SAMD12: variants seen among roughly 807,000 people sequenced by gnomAD.
The protein encoded by SAMD12 is sterile alpha motif domain containing 12.
SAMD12 carries 9 observed loss-of-function variants against 15.0 expected under a neutral mutation model. The ratio of observed to expected loss-of-function variants is 0.60; its 90% CI spans 0.36 to 1.05. The LOEUF (loss-of-function observed/expected upper bound fraction) is 1.05. SAMD12 is among the 50% of genes least tolerant of loss of function. The pLI, the probability that SAMD12 is intolerant of heterozygous loss-of-function variation, is 0.01. For synonymous variants in SAMD12, 86 were observed against 90.1 expected, an observed-to-expected ratio of 0.96 and a Z score of 0.25; for missense variants, 230 against 234.2, an observed-to-expected ratio of 0.98 and a Z score of 0.12.
chr8:118,394,054 T>C (rs1820427472), intron 3 of SAMD12, among the ~76,000 whole-genome samples: 1 of 152,194 alleles, frequency 6.6e-6, no homozygotes, highest in Admixed American at 6.5e-5. Flanking sequence ...ACCAAGGCCA[T>C]AAATATGGAT....
chr8:118,469,527 T>TC (rs1823717751), intron 2 of SAMD12, among the ~76,000 whole-genome samples: 31 of 2,376 alleles, frequency 0.013, 12 homozygotes, highest in African/African-American at 0.078. Flanking sequence ...ATATATATAA[T>TC]ATATTATATA....
At chr8:118,539,268 T>C (rs1825929066) in intron 2 of SAMD12, among the ~76,000 whole-genome samples, 2 of 152,210 alleles carry the variant, frequency 1.3e-5, no homozygotes, top group African/African-American at 2.4e-5. Context: ...CAGTACCAAG[T>C]AGCTGCTATC....
chr8:118,251,051 C>T (rs540241917), intron 4 of SAMD12, among the ~76,000 whole-genome samples: 1 of 152,220 alleles, frequency 6.6e-6, no homozygotes, highest in South Asian at 2.1e-4. Context: ...CCCAAGGTTG[C>T]ACAGCTTAAT....
rs201804948 is a variant in SAMD12 at position 118,300,018 on chromosome 8, CT to C, written c.433+79541del. 2.7e-3 allele frequency among the ~76,000 whole-genome samples: 405 copies of C among 150,384 alleles called. 2 individuals carry two copies. The highest frequency in any genetic ancestry group is 0.011 in the East Asian group (54 of 5,124). ...TTCCTTGTTGTACAAAGGCTTATTC[CT>C]TTTTTTTCTTTACTTTTTTTTAATT... On this transcript the variant is annotated intron_variant, in intron 4 of 4. Coordinates refer to the SAMD12 transcript ENST00000409003.
At chr8:118,358,897 G>C (rs1818356309) in intron 4 of SAMD12, among the ~76,000 whole-genome samples, 1 of 152,084 alleles carries the variant, frequency 6.6e-6, no homozygotes, top group African/African-American at 2.4e-5. Flanking sequence ...ATGAAAATAT[G>C]TTAACACATC....
chr8:118,436,240 A>AT (rs1002654933), intron 3 of SAMD12, among the ~76,000 whole-genome samples: 5 of 152,232 alleles, frequency 3.3e-5, no homozygotes, highest in Admixed American at 3.3e-4. Flanking sequence ...AAATGGATGA[A>AT]TGAATGCCCA....
chr8:118,294,723 A>G (rs1254509799), intron 4 of SAMD12, among the ~76,000 whole-genome samples: 1 of 152,248 alleles, frequency 6.6e-6, no homozygotes, highest in Non-Finnish European at 1.5e-5. Flanking sequence ...TCTACTGTCA[A>G]TAATCAGAAA....
chr8:118,358,309 G>A (rs962435566), intron 4 of SAMD12, among the ~76,000 whole-genome samples: 7 of 152,088 alleles, frequency 4.6e-5, no homozygotes, highest in Non-Finnish European at 1.0e-4. Context: ...ACTTAGAGCT[G>A]CTCTTTGTAT....
chr8:118,379,138 T>C lies in SAMD12; in HGVS notation c.*279A>G. On this transcript the variant is annotated 3_prime_UTR_variant, in exon 4 of 4. Transcript: ENST00000314727. ...ATCACTGGTCATCGTAACTATTGAATCACTCAAATGCTAAAGCGCCCTCAC... is the reference window on the plus strand; with the variant it reads ...ATCACTGGTCATCGTAACTATTGAACCACTCAAATGCTAAAGCGCCCTCAC... The C allele has an allele frequency of 1.7e-6, 2 of 1,175,954 alleles. No individual in the cohort carries two copies. The highest frequency in any genetic ancestry group is 2.1e-6 in the Non-Finnish European group (2 of 947,480). The allele number at this position is 1,175,954 out of a possible 1,614,324, so 72.8% of individuals were successfully genotyped here.
At chr8:118,292,349 G>GACACACACACACACACACAGAC (rs1814429885) in intron 4 of SAMD12, among the ~76,000 whole-genome samples, 1 of 137,624 alleles carries the variant, frequency 7.3e-6, no homozygotes, top group Admixed American at 7.3e-5. Context: ...CAAACACACA[G>GACACACACACACACACACAGAC]ACACACACAC....
chr8:118,534,614 C>T (rs897648494), intron 2 of SAMD12, among the ~76,000 whole-genome samples: 1 of 152,128 alleles, frequency 6.6e-6, no homozygotes, highest in African/African-American at 2.4e-5. Context: ...TCACATAGTC[C>T]CATATTTCTT....
intron 3 of SAMD12, among the ~76,000 whole-genome samples, chr8:118,386,219 C>T (rs189374325): frequency 1.7e-4 from 26 of 152,222 alleles, no homozygotes; most frequent in East Asian, 5.8e-4. Context: ...CTAACATCAA[C>T]GTGTCGGAAG....
chr8:118,149,386 C>T, the SAMD12 span, among the ~76,000 whole-genome samples: 1 of 152,146 alleles, frequency 6.6e-6, no homozygotes, highest in Non-Finnish European at 1.5e-5. Context: ...TGCCTAAAGA[C>T]TGATAATGTT....
At chr8:118,547,204 C>G (rs149446130) in intron 2 of SAMD12, among the ~76,000 whole-genome samples, 62 of 152,250 alleles carry the variant, frequency 4.1e-4, no homozygotes, top group Non-Finnish European at 6.0e-4. Context: ...TCCACAGGCA[C>G]GTCTTTTTTA....
intron 1 of SAMD12, among the ~76,000 whole-genome samples, chr8:118,611,485 T>A (rs1828110442): frequency 6.6e-6 from 1 of 152,164 alleles, no homozygotes; most frequent in African/African-American, 2.4e-5. Context: ...ACTCCATCCA[T>A]CCCTGTCCCC....
At chr8:118,453,169 T>C (rs927750568) in intron 2 of SAMD12, among the ~76,000 whole-genome samples, 2 of 152,232 alleles carry the variant, frequency 1.3e-5, no homozygotes, top group African/African-American at 2.4e-5. Context: ...TTACTTTTAT[T>C]ATATATTGTC....
intron 2 of SAMD12, among the ~76,000 whole-genome samples, chr8:118,457,257 G>A (rs1484609052): frequency 1.4e-5 from 2 of 147,208 alleles, no homozygotes; most frequent in African/African-American, 5.0e-5. Context: ...TTAGAGACAA[G>A]GCTTACTCTC....
At chr8:118,250,012 A>C (rs1365094420) in intron 4 of SAMD12, among the ~76,000 whole-genome samples, 1 of 152,096 alleles carries the variant, frequency 6.6e-6, no homozygotes, top group African/African-American at 2.4e-5. Flanking sequence ...GGGAGGCTGG[A>C]GATCAGGCTG....
intron 4 of SAMD12, among the ~76,000 whole-genome samples, chr8:118,289,860 A>T (rs1814266954): frequency 6.6e-6 from 1 of 152,208 alleles, no homozygotes; most frequent in African/African-American, 2.4e-5. Context: ...TTCTTTTGAG[A>T]TACAGAGAGT....
Sources: gnomAD v4.1 joint callset for allele counts (sites outside exome capture counted in the v4.1 genomes callset) on GRCh38, gnomAD v4.1.1 for gene constraint, MANE v1.5 for transcripts, NCBI Gene and HGNC (gene_info 2026-07-23, HGNC 2026-07-21) for gene names.